MEMO1: variants seen among roughly 807,000 people sequenced by gnomAD.
The protein encoded by MEMO1 is protein MEMO1.
Under a neutral mutation model 45.2 loss-of-function variants are expected in MEMO1, and 6 were observed. That is an observed-to-expected ratio of 0.13 (90% CI 0.07 to 0.26). The LOEUF (loss-of-function observed/expected upper bound fraction) is 0.26. Ranked by LOEUF, MEMO1 falls within the 10% of genes least tolerant of loss-of-function variation. The probability of loss-of-function intolerance (pLI) is 1.00; values close to 1 mark genes in which losing one functional copy is unlikely to be tolerated. For missense variants in MEMO1, 184 were observed against 370.5 expected, an observed-to-expected ratio of 0.50 and a Z score of 4.13; for synonymous variants, 78 against 124.3, an observed-to-expected ratio of 0.63 and a Z score of 2.48.
intron 2 of MEMO1, among the ~76,000 whole-genome samples, chr2:31,951,971 C>T (rs1666892686): frequency 6.6e-6 from 1 of 152,114 alleles, no homozygotes; most frequent in Non-Finnish European, 1.5e-5. Context: ...TTAGATATAT[C>T]TCAAAGGATG....
intron 2 of MEMO1, among the ~76,000 whole-genome samples, chr2:31,994,627 T>C (rs1672346144): frequency 6.6e-6 from 1 of 150,458 alleles, no homozygotes; most frequent in South Asian, 2.1e-4. Context: ...CCAGACTTTG[T>C]CTAAAAAAAA....
intron 7 of MEMO1, among the ~76,000 whole-genome samples, chr2:31,890,616 A>G (rs1390170022): frequency 6.6e-6 from 1 of 152,178 alleles, no homozygotes; most frequent in African/African-American, 2.4e-5. Flanking sequence ...ATTTAAAAAA[A>G]GAAGAAGAAC....
intron 2 of MEMO1, among the ~76,000 whole-genome samples, chr2:31,965,575 T>C (rs1668522671): frequency 6.6e-6 from 1 of 152,090 alleles, no homozygotes; most frequent in Admixed American, 6.6e-5. Context: ...AAGCCAGAAA[T>C]ACCTGGGTAT....
At chr2:31,988,841 T>A (rs71446035) in intron 2 of MEMO1, among the ~76,000 whole-genome samples, 1 of 152,142 alleles carries the variant, frequency 6.6e-6, no homozygotes, top group African/African-American at 2.4e-5. Context: ...TGCTTTTTTA[T>A]AGACCACCAT....
chr2:31,982,582 C>T (rs1302614047), intron 2 of MEMO1, among the ~76,000 whole-genome samples: 4 of 141,024 alleles, frequency 2.8e-5, no homozygotes, highest in Admixed American at 7.1e-5. Context: ...GGGCAAGACT[C>T]CGTCTCAAAA....
chr2:31,956,958 A>T (rs1438493848), intron 2 of MEMO1, among the ~76,000 whole-genome samples: 1 of 152,158 alleles, frequency 6.6e-6, no homozygotes, highest in Non-Finnish European at 1.5e-5. Flanking sequence ...CCTGGCCAAC[A>T]TGGTGAAGCC....
At chr2:32,002,998 A>G (rs1047255060) in intron 2 of MEMO1, among the ~76,000 whole-genome samples, 3 of 152,264 alleles carry the variant, frequency 2.0e-5, no homozygotes, top group Non-Finnish European at 4.4e-5. Flanking sequence ...AGTATTTAGT[A>G]ACATAAAATA....
intron 2 of MEMO1, among the ~76,000 whole-genome samples, chr2:31,954,999 G>C (rs1479403116): frequency 6.6e-6 from 1 of 151,998 alleles, no homozygotes; most frequent in Non-Finnish European, 1.5e-5. Context: ...CCAGTACTTT[G>C]AAAGTCCAAA....
chr2:31,971,759 C>G (rs746644903), intron 2 of MEMO1, among the ~76,000 whole-genome samples: 1 of 152,150 alleles, frequency 6.6e-6, no homozygotes, highest in Non-Finnish European at 1.5e-5. Flanking sequence ...TACCTGAGGT[C>G]AGGAGTTCAA....
At chr2:31,983,868 A>G (rs903460337) in intron 2 of MEMO1, among the ~76,000 whole-genome samples, 2 of 152,256 alleles carry the variant, frequency 1.3e-5, no homozygotes, top group African/African-American at 4.8e-5. Flanking sequence ...GAGAGTGCTT[A>G]AAAGTCCAAA....
intron 2 of MEMO1, among the ~76,000 whole-genome samples, chr2:32,005,100 G>C (rs1006515804): frequency 6.6e-6 from 1 of 151,942 alleles, no homozygotes; most frequent in South Asian, 2.1e-4. Flanking sequence ...GAATTGTCAC[G>C]CAACAGAATG....
chr2:31,868,762 A>G (rs1443389458), intron 9 of MEMO1, among the ~76,000 whole-genome samples: 1 of 152,170 alleles, frequency 6.6e-6, no homozygotes, highest in African/African-American at 2.4e-5. Flanking sequence ...GCCATTTTTT[A>G]AACCCTTTTT....
At chr2:31,978,960 T>A (rs1572876673) in intron 2 of MEMO1, among the ~76,000 whole-genome samples, 1 of 150,092 alleles carries the variant, frequency 6.7e-6, no homozygotes, top group East Asian at 1.9e-4. Flanking sequence ...TGATTATCCA[T>A]CCCCCCCCAA....
At chr2:31,995,976 G>A (rs911779272) in intron 2 of MEMO1, among the ~76,000 whole-genome samples, 2 of 152,104 alleles carry the variant, frequency 1.3e-5, no homozygotes, top group African/African-American at 4.8e-5. Flanking sequence ...TTTATAAAGT[G>A]CTACAACACA....
intron 6 of MEMO1, among the ~76,000 whole-genome samples, chr2:31,907,937 A>C (rs1194412690): frequency 6.6e-6 from 1 of 152,200 alleles, no homozygotes; most frequent in South Asian, 2.1e-4. Flanking sequence ...CATTATTCTT[A>C]ATCTGTGGTT....
chr2:31,953,454 A>ATTTTT (rs148325193), intron 2 of MEMO1, among the ~76,000 whole-genome samples: 3 of 143,938 alleles, frequency 2.1e-5, no homozygotes, highest in African/African-American at 2.6e-5. Flanking sequence ...CTTTCATAAG[A>ATTTTT]TTTTTTTTTT....
chr2:31,972,547 C>A (rs538872152), intron 2 of MEMO1, among the ~76,000 whole-genome samples: 4 of 152,142 alleles, frequency 2.6e-5, no homozygotes, highest in African/African-American at 7.2e-5. Flanking sequence ...CCCTTCTCTA[C>A]TAAAAATACC....
intron 2 of MEMO1, chr2:31,963,273 T>G (rs1431431543): frequency 2.6e-6 from 4 of 1,531,438 alleles, no homozygotes; most frequent in Non-Finnish European, 3.5e-6. Flanking sequence ...CTTTCTATAT[T>G]GAAGATAAAC....
intron 2 of MEMO1, among the ~76,000 whole-genome samples, chr2:32,007,514 T>C (rs1674250059): frequency 6.6e-6 from 1 of 152,180 alleles, no homozygotes; most frequent in South Asian, 2.1e-4. Context: ...GATATATGTG[T>C]GTGTATATAT....
Sources: gnomAD v4.1 joint callset for allele counts (sites outside exome capture counted in the v4.1 genomes callset) on GRCh38, gnomAD v4.1.1 for gene constraint, MANE v1.5 for transcripts, NCBI Gene and HGNC (gene_info 2026-07-23, HGNC 2026-07-21) for gene names.